ROBO1: variants seen among roughly 807,000 people sequenced by gnomAD.
The protein encoded by ROBO1 is roundabout guidance receptor 1.
A neutral mutation model predicts 195.9 loss-of-function variants in ROBO1; 149 were observed. The observed-to-expected ratio is 0.76, with a 90% CI of 0.67 to 0.87. The LOEUF (loss-of-function observed/expected upper bound fraction) is 0.87. Ranked by LOEUF, ROBO1 falls within the 40% of genes least tolerant of loss-of-function variation. The pLI is 0.00. For synonymous variants in ROBO1, 816 were observed against 733.2 expected (o/e 1.11, Z -1.82); for missense variants, 1,933 against 2,068.3 (o/e 0.93, Z 1.27).
At chr3:79,501,198 T>A (rs1453252909) in intron 2 of ROBO1, among the ~76,000 whole-genome samples, 1 of 152,232 alleles carries the variant, frequency 6.6e-6, no homozygotes, top group Non-Finnish European at 1.5e-5. Context: ...AAAATGTTGC[T>A]GTTCTATGGT....
At chr3:79,454,263 A>G (rs2039544656) in intron 2 of ROBO1, among the ~76,000 whole-genome samples, 1 of 151,980 alleles carries the variant, frequency 6.6e-6, no homozygotes, top group Non-Finnish European at 1.5e-5. Context: ...GCATCCTGTT[A>G]CCAAGAAATA....
intron 2 of ROBO1, among the ~76,000 whole-genome samples, chr3:79,327,607 C>T (rs2034264979): frequency 6.6e-6 from 1 of 151,752 alleles, no homozygotes; most frequent in Admixed American, 6.6e-5. Flanking sequence ...ATATATATGT[C>T]TGAAGAACAG....
intron 3 of ROBO1, among the ~76,000 whole-genome samples, chr3:79,016,249 A>C (rs2077930000): frequency 6.6e-6 from 1 of 152,200 alleles, no homozygotes. Flanking sequence ...TGGCCTCCCA[A>C]GTTCAGATTC....
chr3:79,381,609 A>T (rs965123506), intron 2 of ROBO1, among the ~76,000 whole-genome samples: 2 of 151,940 alleles, frequency 1.3e-5, no homozygotes, highest in African/African-American at 4.8e-5. Context: ...TAGCATCATC[A>T]TTAGCCCTAA....
intron 28 of ROBO1, among the ~76,000 whole-genome samples, chr3:78,608,388 G>A (rs1703593456): frequency 6.6e-6 from 1 of 152,064 alleles, no homozygotes; most frequent in Non-Finnish European, 1.5e-5. Flanking sequence ...TTATAGCTAT[G>A]AGCCACCACA....
At chr3:79,745,746 G>A (rs926188749) in intron 1 of ROBO1, among the ~76,000 whole-genome samples, 1 of 152,102 alleles carries the variant, frequency 6.6e-6, no homozygotes, top group African/African-American at 2.4e-5. Flanking sequence ...TAGTCTATTA[G>A]AGTGTAATTA....
chr3:78,682,571 C>T (rs1480022101), intron 10 of ROBO1, among the ~76,000 whole-genome samples: 1 of 145,692 alleles, frequency 6.9e-6, no homozygotes, highest in African/African-American at 2.5e-5. Flanking sequence ...TGTGTATATA[C>T]ACATATATAC....
At chr3:79,479,419 C>T (rs182161014) in intron 2 of ROBO1, among the ~76,000 whole-genome samples, 1 of 152,166 alleles carries the variant, frequency 6.6e-6, no homozygotes, top group African/African-American at 2.4e-5. Context: ...GGAGGCAGAG[C>T]TCAGGCGGTA....
At chr3:79,642,098 C>A (rs1945682339) in intron 1 of ROBO1, among the ~76,000 whole-genome samples, 2 of 151,968 alleles carry the variant, frequency 1.3e-5, no homozygotes, top group African/African-American at 4.8e-5. Flanking sequence ...AAAAATCAAA[C>A]AGAAATCTTA....
At chr3:79,017,298 G>A (rs1052528112) in intron 3 of ROBO1, among the ~76,000 whole-genome samples, 1 of 151,888 alleles carries the variant, frequency 6.6e-6, no homozygotes, top group Non-Finnish European at 1.5e-5. Flanking sequence ...AAAATCCCTG[G>A]TCAAAACATA....
rs375591700 is a variant in ROBO1 at position 79,458,859 on chromosome 3, T to C, written c.88+130965A>G. On this transcript the variant is annotated intron_variant, in intron 2 of 30. Transcript: ENST00000464233. ...AATAGAAACCAGAAGAATAGGTACA[T>C]ATCCAATTTGCCAGAGTAATACTTA... Among the ~76,000 whole-genome samples the C allele has an allele frequency of 2.1e-3, 325 of 152,014 alleles. 1 individual carries two copies. Among genetic ancestry groups the C allele is most frequent in the African/African-American group, 7.4e-3 (308 of 41,500 alleles).
chr3:79,719,118 C>T (rs1702599055), intron 1 of ROBO1, among the ~76,000 whole-genome samples: 1 of 151,830 alleles, frequency 6.6e-6, no homozygotes, highest in Non-Finnish European at 1.5e-5. Context: ...AATGTATAGG[C>T]TTCTTTGAGA....
intron 2 of ROBO1, among the ~76,000 whole-genome samples, chr3:79,491,314 C>T (rs1389237464): frequency 1.3e-5 from 2 of 150,990 alleles, no homozygotes; most frequent in Non-Finnish European, 2.9e-5. Flanking sequence ...TTTTGGCTTG[C>T]TGCTTTAATT....
At chr3:79,028,739 G>A (rs1050113864) in intron 3 of ROBO1, among the ~76,000 whole-genome samples, 3 of 151,930 alleles carry the variant, frequency 2.0e-5, no homozygotes, top group Non-Finnish European at 4.4e-5. Flanking sequence ...GAAAAACCGT[G>A]AGACAAATAT....
chr3:78,882,463 C>G (rs1291487349), intron 4 of ROBO1, among the ~76,000 whole-genome samples: 1 of 152,176 alleles, frequency 6.6e-6, no homozygotes, highest in Non-Finnish European at 1.5e-5. Flanking sequence ...CGAGATCACA[C>G]CCTTTCCTAC....
At chr3:78,860,326 A>ATATATATATATTTT (rs376853384) in intron 4 of ROBO1, among the ~76,000 whole-genome samples, 30 of 93,504 alleles carry the variant, frequency 3.2e-4, no homozygotes, top group African/African-American at 8.1e-4. Context: ...ATATATATAT[A>ATATATATATATTTT]TTTTTTTTTT....
intron 2 of ROBO1, among the ~76,000 whole-genome samples, chr3:79,337,017 G>C (rs1048833489): frequency 6.6e-6 from 1 of 152,100 alleles, no homozygotes; most frequent in African/African-American, 2.4e-5. Context: ...CCTTTGTTTT[G>C]TCCAATTTCT....
chr3:79,156,999 T>G (rs1279812426), intron 2 of ROBO1, among the ~76,000 whole-genome samples: 1 of 151,822 alleles, frequency 6.6e-6, no homozygotes, highest in African/African-American at 2.4e-5. Context: ...TCTCATCGGG[T>G]GGGGAAGTGC....
intron 22 of ROBO1, among the ~76,000 whole-genome samples, chr3:78,637,408 A>AT (rs886396993): frequency 6.6e-6 from 1 of 152,164 alleles, no homozygotes; most frequent in African/African-American, 2.4e-5. Context: ...TTGTTTCGCC[A>AT]ATCTGTCTAT....
Sources: gnomAD v4.1 joint callset for allele counts (sites outside exome capture counted in the v4.1 genomes callset) on GRCh38, gnomAD v4.1.1 for gene constraint, MANE v1.5 for transcripts, NCBI Gene and HGNC (gene_info 2026-07-23, HGNC 2026-07-21) for gene names.